The following ASTN2 variants were observed in gnomAD, a reference collection of about 807,000 sequenced individuals.
ASTN2 encodes astrotactin 2.
A neutral mutation model predicts 139.8 loss-of-function variants in ASTN2; 54 were observed. The observed-to-expected ratio is 0.39, with a 90% confidence interval of 0.31 to 0.48. The LOEUF (loss-of-function observed/expected upper bound fraction) is 0.48. Among genes scored for constraint, ASTN2 ranks in the 20% least tolerant of loss-of-function variants. ASTN2 has a pLI of 0.95. For synonymous variants in ASTN2, 756 were observed against 719.5 expected, an observed-to-expected ratio of 1.05 and a Z score of -0.81; for missense variants, 1,565 against 1,725.1, an observed-to-expected ratio of 0.91 and a Z score of 1.64.
intron 10 of ASTN2, among the ~76,000 whole-genome samples, chr9:116,877,423 A>G (rs947821163): frequency 3.3e-5 from 5 of 152,206 alleles, no homozygotes; most frequent in Admixed American, 6.5e-5. Flanking sequence ...ATCTATGGCT[A>G]TAGCTATGTC....
chr9:116,657,865 A>T (rs1487930759), intron 16 of ASTN2, among the ~76,000 whole-genome samples: 3 of 151,878 alleles, frequency 2.0e-5, no homozygotes, highest in Non-Finnish European at 4.4e-5. Context: ...TAAAAGAAAA[A>T]AGAGAGGTCA....
chr9:116,534,934 T>C (rs558664413), intron 19 of ASTN2, among the ~76,000 whole-genome samples: 10 of 152,326 alleles, frequency 6.6e-5, no homozygotes, highest in African/African-American at 2.4e-4. Context: ...TTCTGTCTCA[T>C]TGATCTGTCT....
intron 13 of ASTN2, among the ~76,000 whole-genome samples, chr9:116,777,183 CCT>C (rs1226046031): frequency 6.6e-6 from 1 of 152,202 alleles, no homozygotes. Context: ...GACTCTCACC[CCT>C]CTCTCTGGTC....
At chr9:116,986,527 C>T (rs1455830114) in intron 7 of ASTN2, among the ~76,000 whole-genome samples, 1 of 152,094 alleles carries the variant, frequency 6.6e-6, no homozygotes, top group African/African-American at 2.4e-5. Flanking sequence ...TGAGCTCTGC[C>T]CAGGATGGGG....
At chr9:117,339,949 T>C (rs1829013403) in intron 1 of ASTN2, among the ~76,000 whole-genome samples, 1 of 149,590 alleles carries the variant, frequency 6.7e-6, no homozygotes, top group African/African-American at 2.5e-5. Context: ...CATGATACCA[T>C]AGCGTTTTAT....
intron 3 of ASTN2, among the ~76,000 whole-genome samples, chr9:117,191,072 C>G (rs1309427773): frequency 2.0e-5 from 3 of 151,878 alleles, no homozygotes; most frequent in Admixed American, 6.6e-5. Flanking sequence ...GACTTCCCAA[C>G]AGATATTGAG....
chr9:116,610,965 T>C (rs1446438762), intron 19 of ASTN2: 2 of 152,128 alleles, frequency 1.3e-5, no homozygotes, highest in African/African-American at 2.4e-5. Context: ...AACAGGCATT[T>C]ATAAAATACC....
intron 1 of ASTN2, among the ~76,000 whole-genome samples, chr9:117,337,414 T>A (rs1564153537): frequency 6.6e-6 from 1 of 152,188 alleles, no homozygotes; most frequent in Non-Finnish European, 1.5e-5. Flanking sequence ...AGGTCATTTT[T>A]AATTCTTTAT....
At chr9:117,295,858 G>A (rs1392801349) in intron 1 of ASTN2, among the ~76,000 whole-genome samples, 1 of 152,130 alleles carries the variant, frequency 6.6e-6, no homozygotes, top group Admixed American at 6.5e-5. Context: ...GGTGGTAGGA[G>A]CATTGCAGAG....
chr9:116,591,897 C>T (rs188330902), intron 19 of ASTN2, among the ~76,000 whole-genome samples: 86 of 152,106 alleles, frequency 5.7e-4, no homozygotes, highest in Admixed American at 3.5e-3. Context: ...TGTTATACTT[C>T]CATAGAAATT....
rs190076945 is a variant in ASTN2 at position 116,600,124 on chromosome 9, A to C, written c.3355+18200T>G. ...GATCACTTGAGTCCAGGAGTTTGGG[A>C]CCAGCCTGGGCAACATGACAAAAGC... On this transcript the variant is annotated intron_variant, in intron 19 of 22. Transcript: ENST00000313400. 3.8e-3 allele frequency among the ~76,000 whole-genome samples: 581 copies of C among 152,084 alleles called. 4 individuals carry two copies. The highest frequency in any genetic ancestry group is 4.5e-3 in the Non-Finnish European group (309 of 67,994).
chr9:117,246,343 G>C (rs1833382381), intron 2 of ASTN2, among the ~76,000 whole-genome samples: 1 of 152,100 alleles, frequency 6.6e-6, no homozygotes, highest in Admixed American at 6.6e-5. Context: ...TTCATTAGGG[G>C]AGAAACCAAG....
intron 22 of ASTN2, among the ~76,000 whole-genome samples, chr9:116,426,876 T>G (rs1235973537): frequency 6.6e-6 from 1 of 152,184 alleles, no homozygotes. Flanking sequence ...GGTATAGAGC[T>G]CAGAGTAAGC....
At chr9:116,738,212 A>G (rs1828995623) in intron 13 of ASTN2, among the ~76,000 whole-genome samples, 1 of 149,620 alleles carries the variant, frequency 6.7e-6, no homozygotes, top group Non-Finnish European at 1.5e-5. Context: ...AAAAGACTAC[A>G]TATTGGGGCC....
At chr9:116,648,530 G>A (rs940072806) in intron 17 of ASTN2, among the ~76,000 whole-genome samples, 2 of 152,100 alleles carry the variant, frequency 1.3e-5, no homozygotes, top group African/African-American at 4.8e-5. Flanking sequence ...TGCAGCTGGA[G>A]GTGTGGAGAC....
In ASTN2 at chr9:117,340,821, C is replaced by T. The variant is rs56179921; in HGVS notation, c.443-49308G>A. Among the ~76,000 whole-genome samples the T allele has an allele frequency of 9.0e-3, 1,371 of 152,310 alleles. 18 individuals carry two copies. Among genetic ancestry groups the T allele is most frequent in the Middle Eastern group, 0.017 (5 of 294 alleles). On this transcript the variant is annotated intron_variant, in intron 1 of 22. Transcript: ENST00000313400. ...GCTAGGACCCCGGTCCCAGTTCCAACAGTGATTCATGGTGTGACCTTGTGC... is the reference window on the plus strand; with the variant it reads ...GCTAGGACCCCGGTCCCAGTTCCAATAGTGATTCATGGTGTGACCTTGTGC...
chr9:116,905,866 T>TTGGGG (rs1564333913), intron 10 of ASTN2, among the ~76,000 whole-genome samples: 4 of 32,674 alleles, frequency 1.2e-4, no homozygotes, highest in African/African-American at 1.4e-4. Flanking sequence ...TTTTTTTTTT[T>TTGGGG]GGGGGGGGGT....
At chr9:116,525,665 C>A (rs1851059757) in intron 19 of ASTN2, among the ~76,000 whole-genome samples, 1 of 152,136 alleles carries the variant, frequency 6.6e-6, no homozygotes, top group African/African-American at 2.4e-5. Context: ...AAGCCACCTG[C>A]CTTCAATAGC....
At chr9:117,312,626 T>C (rs1398199137) in intron 1 of ASTN2, among the ~76,000 whole-genome samples, 1 of 152,196 alleles carries the variant, frequency 6.6e-6, no homozygotes, top group Non-Finnish European at 1.5e-5. Flanking sequence ...ATGATAAGGA[T>C]GGCCCTGAAA....
Sources: allele counts gnomAD v4.1 joint callset (sites outside exome capture counted in the v4.1 genomes callset), GRCh38; gene constraint gnomAD v4.1.1; transcripts MANE v1.5; gene names NCBI Gene and HGNC (gene_info 2026-07-23, HGNC 2026-07-21).